The following STAB2 variants were observed in gnomAD, a reference collection of about 807,000 sequenced individuals.
STAB2 encodes stabilin 2, also known as stabilin-2.
Under a neutral mutation model 338.1 loss-of-function variants are expected in STAB2, and 288 were observed. The observed-to-expected ratio is 0.85, with a 90% CI of 0.77 to 0.94. The LOEUF is 0.94. Ranked by LOEUF, STAB2 falls within the 40% of genes least tolerant of loss-of-function variation. The pLI, the probability that STAB2 is intolerant of heterozygous loss-of-function variation, is 0.00. For synonymous variants in STAB2, 1,202 were observed against 1,193.3 expected, an observed-to-expected ratio of 1.01 and a Z score of -0.15; for missense variants, 3,141 against 3,210.1, an observed-to-expected ratio of 0.98 and a Z score of 0.52.
In STAB2 at chr12:103,766,630, A is replaced by G. The variant is rs1309106081; in HGVS notation, c.*294A>G. 2.8e-6 allele frequency: 1 copy of G among 353,984 alleles called. No individual in the cohort carries two copies. Among genetic ancestry groups the G allele is most frequent in the Non-Finnish European group, 5.2e-6 (1 of 191,928 alleles). 21.9% of individuals were successfully genotyped at this position (353,984 alleles called of 1,614,324 possible). On this transcript the variant is annotated 3_prime_UTR_variant, in exon 69 of 69. Coordinates refer to ENST00000388887, the MANE Select transcript of STAB2 (RefSeq NM_017564.10). The stretch of plus-strand genomic sequence containing the variant: ...AACTGTGATCTTTCTTCCCTGTTAG[A>G]TTGTAAGCCTCCGTCTTTGTATCCC...
At chr12:103,676,084 CAG>C (rs1415817287) in intron 24 of STAB2, 63 bp downstream of exon 24, 5 of 862,816 alleles carry the variant, frequency 5.8e-6, no homozygotes, top group African/African-American at 4.6e-5. Context: ...TTTTTTGAGA[CAG>C]AGTCTCGCTC....
chr12:103,724,141 G>A (rs1880995732), intron 44 of STAB2, among the ~76,000 whole-genome samples: 1 of 152,210 alleles, frequency 6.6e-6, no homozygotes, highest in Non-Finnish European at 1.5e-5. Context: ...GATACTATGT[G>A]TTTAAAGGAT....
chr12:103,659,440 C>A (rs1874436033), intron 15 of STAB2, among the ~76,000 whole-genome samples: 1 of 152,212 alleles, frequency 6.6e-6, no homozygotes, highest in Non-Finnish European at 1.5e-5. Flanking sequence ...AACCTCTTGG[C>A]AGTTATTAGG....
At chr12:103,636,962 AAGAC>A in intron 6 of STAB2, 145 bp from the exon 7 acceptor site, 2 of 736,258 alleles carry the variant, frequency 2.7e-6, no homozygotes, top group Admixed American at 7.3e-5. Context: ...GACTAAGAAG[AAGAC>A]AATTTTAACT....
rs1291359568 is a variant in STAB2 at position 103,620,544 on chromosome 12, C to T, written c.408C>T (p.Cys136=). Reference sequence around the variant, plus strand: ...AAGGCATGGAAGGAAATGGAACCTGCTCCTGCCAAGTAAGTTCAAAAATGT... The same window carrying T: ...AAGGCATGGAAGGAAATGGAACCTGTTCCTGCCAAGTAAGTTCAAAAATGT... ...CAEGMEGNGT[C]SCQEGFGGTA... is the part of the protein sequence containing the mutation. The change falls in exon 4 of 69, where the codon TGC becomes TGT. Residue 136 remains cysteine (C), a synonymous_variant. Transcript: ENST00000388887. 3 of 1,565,770 alleles carry T rather than the reference C, an allele frequency of 1.9e-6. No individual in the cohort carries two copies. Among genetic ancestry groups the T allele is most frequent in the East Asian group, 4.7e-5 (2 of 42,198 alleles).
At position 103,648,758 on chromosome 12, in the gene STAB2, G is replaced by A. The variant is rs781067488; in HGVS notation, c.1109G>A (p.Arg370Lys). ...TCYGNIMERL[R>K]ELNTEPRGKW... ...TATGGAAACATTATGGAGCGACTCAGAGAATTAAATACTGAACCCAGAGGA... is the reference window on the plus strand; with the variant it reads ...TATGGAAACATTATGGAGCGACTCAAAGAATTAAATACTGAACCCAGAGGA... The change falls in exon 10 of 69, where the codon AGA (arginine) becomes AAA (lysine). Residue 370 changes from arginine to lysine, a missense_variant. Coordinates refer to ENST00000388887, the MANE Select transcript of STAB2 (RefSeq NM_017564.10). The A allele has an allele frequency of 9.9e-6, 16 of 1,614,184 alleles. No homozygotes were observed. In the South Asian group the frequency reaches 1.8e-4, roughly 18 times the overall value.
intron 5 of STAB2, among the ~76,000 whole-genome samples, chr12:103,626,605 A>T (rs895860966): frequency 6.6e-6 from 1 of 152,272 alleles, no homozygotes; most frequent in African/African-American, 2.4e-5. Context: ...TGAATGGATG[A>T]ATGAATGACT....
At chr12:103,730,806 C>T (rs568592512) in intron 49 of STAB2, among the ~76,000 whole-genome samples, 21 of 152,056 alleles carry the variant, frequency 1.4e-4, no homozygotes, top group African/African-American at 2.2e-4. Context: ...CCCAGCAATC[C>T]GGGAGGCCAA....
chr12:103,644,417 A>C (rs1004574191), intron 9 of STAB2, among the ~76,000 whole-genome samples: 155 of 137,036 alleles, frequency 1.1e-3, no homozygotes, highest in East Asian at 2.3e-3. Context: ...GGTCCTCTGC[A>C]TAGGAAAACC....
intron 31 of STAB2, among the ~76,000 whole-genome samples, chr12:103,694,537 C>T (rs1878236017): frequency 6.6e-6 from 1 of 152,110 alleles, no homozygotes; most frequent in African/African-American, 2.4e-5. Flanking sequence ...CAAAAACAGA[C>T]TTAGACAATA....
intron 20 of STAB2, chr12:103,669,097 T>C: frequency 3.9e-6 from 1 of 257,220 alleles, no homozygotes; most frequent in Non-Finnish European, 7.5e-6. Context: ...ATCTTCAGTG[T>C]CTCCATTAAC....
At chr12:103,703,314 G>A (rs1184857917) in intron 35 of STAB2, 38 bp downstream of exon 35, 1 of 1,597,300 alleles carries the variant, frequency 6.3e-7, no homozygotes. Flanking sequence ...TGGAACTAAT[G>A]AATATTGGCT....
chr12:103,587,514 T>C lies in STAB2; in HGVS notation c.38T>C (p.Leu13Ser), dbSNP rs1169686087. 6.2e-7 allele frequency: 1 copy of C among 1,613,994 alleles called. No individual in the cohort carries two copies. Among genetic ancestry groups the C allele is most frequent in the East Asian group, 2.2e-5 (1 of 44,890 alleles). The change falls in exon 1 of 69, where the codon TTG becomes TCG. Residue 13 changes from leucine to serine, a missense_variant. Physicochemically the swap from Leu to Ser is moderately radical, Grantham distance 145 (BLOSUM62 -2). Transcript: ENST00000388887. ...CATTTAGTAATTTTTTGTCTTGGAT[T>C]GGTTGTACAAAATTTCTGCTCCCCA... ...LQHLVIFCLG[L>S]VVQNFCSPAE... is the part of the protein sequence containing the mutation.
At position 103,739,449 on chromosome 12, in the gene STAB2, CA is replaced by C; in HGVS notation, c.5737del (p.Arg1913GlyfsTer8). 6.3e-7 allele frequency: 1 copy of C among 1,592,748 alleles called. No homozygotes were observed. Among genetic ancestry groups the C allele is most frequent in the Non-Finnish European group, 8.5e-7 (1 of 1,169,754 alleles). The part of the protein sequence containing the change: ...CGSCVNTPSC[P>X]RWSKPKGVKQ... The stretch of plus-strand genomic sequence containing the variant: ...AGCTGTGTCAATACTCCCAGCTGCC[CA>C]AGGTGGAGTAAACCAAAGGTAATTA... On this transcript the variant is annotated frameshift_variant, in exon 54 of 69. Transcript: ENST00000388887. LOFTEE classifies it high-confidence loss of function.
chr12:103,728,804 A>C, intron 47 of STAB2, 45 bp from the exon 48 acceptor site: 1 of 1,609,080 alleles, frequency 6.2e-7, no homozygotes, highest in Non-Finnish European at 8.5e-7. Context: ...CATTGCAGCA[A>C]AAGACTCCTG....
intron 48 of STAB2, 116 bp from the exon 49 acceptor site, chr12:103,730,000 G>A: frequency 1.1e-6 from 1 of 923,534 alleles, no homozygotes; most frequent in Non-Finnish European, 1.6e-6. Context: ...GTATTAACTT[G>A]GATATTCAGT....
At chr12:103,617,189 A>T (rs140775906) in intron 3 of STAB2, among the ~76,000 whole-genome samples, 1 of 152,324 alleles carries the variant, frequency 6.6e-6, no homozygotes, top group African/African-American at 2.4e-5. Context: ...ATCCCAGTCC[A>T]TCAATCAGTA....
rs1884524095 is a variant in STAB2, at chr12:103,761,360, G to A, written c.7309G>A (p.Gly2437Arg). Residue 2437 changes from glycine to arginine, a missense_variant, in exon 66 of 69, where the codon GGG (glycine) becomes AGG (arginine). By Grantham distance (125) the Gly-to-Arg change is moderately radical. Coordinates refer to ENST00000388887, the MANE Select transcript of STAB2 (RefSeq NM_017564.10). The part of the protein sequence containing the change: ...ILQWDIFASN[G>R]IIHVISRPLK... Reference sequence around the variant, plus strand: ...GCAGTGGGACATCTTTGCCTCCAATGGGATCATTCATGTCATTTCCAGGCC... The same window carrying A: ...GCAGTGGGACATCTTTGCCTCCAATAGGATCATTCATGTCATTTCCAGGCC... 1 of 1,614,084 alleles carries A rather than the reference G, an allele frequency of 6.2e-7. No individual in the cohort carries two copies.
intron 66 of STAB2, 61 bp downstream of exon 66, chr12:103,761,471 G>A: frequency 3.5e-6 from 5 of 1,447,088 alleles, no homozygotes; most frequent in Non-Finnish European, 4.8e-6. Flanking sequence ...CTCACCAACA[G>A]GCAAACCATT....
Sources: allele counts gnomAD v4.1 joint callset (sites outside exome capture counted in the v4.1 genomes callset), GRCh38; gene constraint gnomAD v4.1.1; transcripts MANE v1.5; gene names NCBI Gene and HGNC (gene_info 2026-07-23, HGNC 2026-07-21).